The following SLC35F1 variants were observed in gnomAD, a reference collection of about 807,000 sequenced individuals.
SLC35F1 encodes the protein solute carrier family 35 member F1, also known as chromosome 6 open reading frame 169.
SLC35F1 carries 14 observed loss-of-function variants against 48.7 expected under a neutral mutation model. The ratio of observed to expected loss-of-function variants is 0.29; its 90% CI spans 0.19 to 0.45. The LOEUF (loss-of-function observed/expected upper bound fraction) is 0.45, where lower values mean the gene tolerates loss of function less well. SLC35F1 is among the 20% of genes least tolerant of loss of function. The pLI, the probability that SLC35F1 is intolerant of heterozygous loss-of-function variation, is 1.00. For synonymous variants in SLC35F1, 190 were observed against 202.2 expected (o/e 0.94, Z 0.51); for missense variants, 404 against 500.0 (o/e 0.81, Z 1.83).
chr6:118,279,071 G>A (rs1775951348), intron 6 of SLC35F1, among the ~76,000 whole-genome samples: 1 of 152,126 alleles, frequency 6.6e-6, no homozygotes. Flanking sequence ...TTGGAAATGA[G>A]GCCAAAATGG....
intron 2 of SLC35F1, among the ~76,000 whole-genome samples, chr6:118,179,028 C>T (rs983569994): frequency 6.6e-6 from 1 of 151,906 alleles, no homozygotes; most frequent in South Asian, 2.1e-4. Flanking sequence ...TAATGTTTCC[C>T]CTGAGTTAAA....
chr6:117,920,325 G>T (rs1037959733), intron 1 of SLC35F1, among the ~76,000 whole-genome samples: 6 of 152,234 alleles, frequency 3.9e-5, no homozygotes, highest in Admixed American at 3.3e-4. Context: ...GTGTTCCGCG[G>T]GGTGTGTGGA....
intron 7 of SLC35F1, among the ~76,000 whole-genome samples, chr6:118,285,657 A>G (rs1054421251): frequency 1.3e-5 from 2 of 152,222 alleles, no homozygotes; most frequent in African/African-American, 4.8e-5. Flanking sequence ...GAACCTAGGA[A>G]GAGTTGTACA....
At chr6:118,032,886 A>C (rs1211393169) in intron 1 of SLC35F1, among the ~76,000 whole-genome samples, 1 of 152,028 alleles carries the variant, frequency 6.6e-6, no homozygotes, top group Non-Finnish European at 1.5e-5. Flanking sequence ...TCCTTCAACT[A>C]AGTTCTTGAG....
chr6:118,131,468 C>T (rs912496863), intron 1 of SLC35F1, among the ~76,000 whole-genome samples: 1 of 152,090 alleles, frequency 6.6e-6, no homozygotes, highest in South Asian at 2.1e-4. Context: ...AGGTCATTTT[C>T]AATTTTTATA....
intron 2 of SLC35F1, among the ~76,000 whole-genome samples, chr6:118,202,619 T>C (rs1272890923): frequency 2.0e-5 from 3 of 152,258 alleles, no homozygotes; most frequent in Non-Finnish European, 4.4e-5. Context: ...GTGCTAACAA[T>C]GTGCCACACA....
chr6:118,040,715 GAGAATTGA>G (rs773449465), intron 1 of SLC35F1, among the ~76,000 whole-genome samples: 1 of 151,568 alleles, frequency 6.6e-6, no homozygotes, highest in African/African-American at 2.4e-5. Context: ...GCCCCAAAGT[GAGAATTGA>G]GGCCTCAGTT....
At chr6:118,187,537 T>A (rs1362536401) in intron 2 of SLC35F1, among the ~76,000 whole-genome samples, 1 of 152,236 alleles carries the variant, frequency 6.6e-6, no homozygotes, top group Non-Finnish European at 1.5e-5. Context: ...TGTTTTTTCC[T>A]TGACAGCCCT....
chr6:117,984,377 TAGTCTC>T (rs1241393921), intron 1 of SLC35F1, among the ~76,000 whole-genome samples: 2 of 151,588 alleles, frequency 1.3e-5, no homozygotes, highest in Non-Finnish European at 2.9e-5. Flanking sequence ...CGGGTGCCTG[TAGTCTC>T]AGCTACTCAG....
At chr6:118,250,295 C>G in intron 3 of SLC35F1, among the ~76,000 whole-genome samples, 1 of 152,172 alleles carries the variant, frequency 6.6e-6, no homozygotes, top group Non-Finnish European at 1.5e-5. Flanking sequence ...CTTATAAACT[C>G]TGTAAGGGCA....
intron 2 of SLC35F1, among the ~76,000 whole-genome samples, chr6:118,216,479 A>G (rs1326325253): frequency 6.8e-6 from 1 of 146,900 alleles, no homozygotes; most frequent in Non-Finnish European, 1.5e-5. Context: ...AAAAAAAAAG[A>G]AAAGAAAAGA....
intron 1 of SLC35F1, among the ~76,000 whole-genome samples, chr6:117,986,881 C>G (rs576891798): frequency 1.3e-5 from 2 of 152,268 alleles, no homozygotes; most frequent in South Asian, 4.1e-4. Context: ...TGTTGGGCCT[C>G]TTAGGCTTAG....
chr6:118,152,332 G>C (rs1362876049), intron 1 of SLC35F1, among the ~76,000 whole-genome samples: 1 of 152,180 alleles, frequency 6.6e-6, no homozygotes, highest in Non-Finnish European at 1.5e-5. Flanking sequence ...AGGTTCCAGA[G>C]GTAGTGGGAA....
At position 118,114,367 on chromosome 6, in the gene SLC35F1, C is replaced by T. The variant is rs187238563; in HGVS notation, c.174-40078C>T. Among the ~76,000 whole-genome samples the T allele has an allele frequency of 3.3e-5, 5 of 152,136 alleles. No homozygotes were observed. The East Asian group carries it at 9.7e-4, about 29-fold the overall frequency. Reference sequence around the variant, plus strand: ...TACTCCTTTTATTTTCTTTTGATATCTTATATTTGGCATTGACTGTACTGT... The same window carrying T: ...TACTCCTTTTATTTTCTTTTGATATTTTATATTTGGCATTGACTGTACTGT... On this transcript the variant is annotated intron_variant, in intron 1 of 7. Coordinates refer to ENST00000360388, the MANE Select transcript of SLC35F1 (RefSeq NM_001029858.4).
intron 3 of SLC35F1, among the ~76,000 whole-genome samples, chr6:118,246,542 A>C (rs925136912): frequency 6.6e-6 from 1 of 152,204 alleles, no homozygotes; most frequent in East Asian, 1.9e-4. Context: ...ACACCTGAAC[A>C]GGATCTGTAA....
intron 2 of SLC35F1, among the ~76,000 whole-genome samples, chr6:118,201,402 A>G (rs972434538): frequency 3.3e-5 from 5 of 152,246 alleles, no homozygotes; most frequent in African/African-American, 1.2e-4. Flanking sequence ...GATTTCTTCA[A>G]CAGATGTGAA....
rs374207175 is a variant in SLC35F1, at chr6:117,938,474, C to T, written c.173+30575C>T. Among the ~76,000 whole-genome samples the T allele has an allele frequency of 5.3e-5, 8 of 152,186 alleles. 1 individual carries two copies. The East Asian group carries it at 1.2e-3, about 22-fold the overall frequency. On this transcript the variant is annotated intron_variant, in intron 1 of 7. Transcript: ENST00000360388. ...CACACCTCACAAGCCAGTCAGGAAC[C>T]CCCTGTGCTGCCTCCTCATGCATTC...
rs189624291 is a variant in SLC35F1, at chr6:118,008,668, T to G, written c.173+100769T>G. Among the ~76,000 whole-genome samples the G allele has an allele frequency of 7.6e-4, 116 of 152,264 alleles. 4 individuals carry two copies. Among genetic ancestry groups the G allele is most frequent in the Admixed American group, 7.3e-3 (112 of 15,280 alleles). ...AGGATAAGAGAACCTTTTCTGGAAT[T>G]TACTTAGAAAAACAGAATTTTAACC... is the stretch of plus-strand genomic sequence containing the variant. On this transcript the variant is annotated intron_variant, in intron 1 of 7. Coordinates refer to ENST00000360388, the MANE Select transcript of SLC35F1 (RefSeq NM_001029858.4).
intron 1 of SLC35F1, among the ~76,000 whole-genome samples, chr6:117,958,946 A>C (rs992719735): frequency 1.3e-5 from 2 of 152,222 alleles, no homozygotes; most frequent in East Asian, 3.9e-4. Flanking sequence ...TCTAATCCCT[A>C]ATTTGTTGTT....
Sources: gnomAD v4.1 joint callset for allele counts (sites outside exome capture counted in the v4.1 genomes callset) on GRCh38, gnomAD v4.1.1 for gene constraint, MANE v1.5 for transcripts, NCBI Gene and HGNC (gene_info 2026-07-23, HGNC 2026-07-21) for gene names.